The following TOMM20L variants were observed in gnomAD, a reference collection of about 807,000 sequenced individuals.
TOMM20L encodes TOMM20-like protein 1.
TOMM20L carries 19 observed loss-of-function variants against 20.4 expected under a neutral mutation model. The observed-to-expected ratio is 0.93, with a 90% CI of 0.65 to 1.36. The LOEUF (loss-of-function observed/expected upper bound fraction) is 1.36, where lower values mean the gene tolerates loss of function less well. Ranked by LOEUF, TOMM20L falls within the 40% of genes most tolerant of loss-of-function variation. TOMM20L has a pLI of 0.00. For missense variants in TOMM20L, 218 were observed against 203.7 expected, an observed-to-expected ratio of 1.07 and a Z score of -0.43; for synonymous variants, 75 against 79.6, an observed-to-expected ratio of 0.94 and a Z score of 0.30.
downstream of TOMM20L, among the ~76,000 whole-genome samples, chr14:58,411,140 C>G (rs935329477): frequency 3.3e-5 from 5 of 152,028 alleles, no homozygotes; most frequent in Non-Finnish European, 5.9e-5. Context: ...CCTTGATTAT[C>G]AGTCAGATTA....
At chr14:58,400,359 T>C (rs1394771418) in intron 2 of TOMM20L, among the ~76,000 whole-genome samples, 1 of 150,672 alleles carries the variant, frequency 6.6e-6, no homozygotes, top group Non-Finnish European at 1.5e-5. Flanking sequence ...GAGCTGAAAG[T>C]TGCAGTGAGC....
chr14:58,415,257 A>C, the TOMM20L span, among the ~76,000 whole-genome samples: 1 of 152,238 alleles, frequency 6.6e-6, no homozygotes, highest in Non-Finnish European at 1.5e-5. Context: ...AGATAAAATG[A>C]TTAAATAACA....
intron 4 of TOMM20L, 43 bp from the exon 5 acceptor site, chr14:58,408,486 G>A (rs2036102914): frequency 6.4e-7 from 1 of 1,565,816 alleles, no homozygotes; most frequent in Admixed American, 1.7e-5. Context: ...AAAGGATCAT[G>A]CATTGAAATG....
downstream of TOMM20L, chr14:58,410,820 T>G (rs779422717): frequency 1.3e-6 from 2 of 1,542,284 alleles, no homozygotes; most frequent in South Asian, 2.3e-5. Flanking sequence ...TTGTAGAATT[T>G]TAGTGAGTAA....
At chr14:58,404,957 G>GC (rs1200034755) in intron 3 of TOMM20L, among the ~76,000 whole-genome samples, 2 of 151,730 alleles carry the variant, frequency 1.3e-5, no homozygotes, top group Admixed American at 1.3e-4. Flanking sequence ...GGCCTCTAAG[G>GC]CCCCCTAGCA....
rs1360148720 is a variant in TOMM20L at position 58,395,981 on chromosome 14, C to T, written c.24C>T (p.Leu8=). 1 of 1,453,616 alleles carries T rather than the reference C, an allele frequency of 6.9e-7. No individual in the cohort carries two copies. The highest frequency in any genetic ancestry group is 1.5e-5 in the African/African-American group (1 of 68,380). 90.0% of individuals were successfully genotyped at this position (1,453,616 alleles called of 1,614,324 possible). A position where few individuals can be genotyped will look rare whatever the true frequency, so the allele number is the denominator to read the frequency against. Residue 8 remains leucine, a synonymous_variant, in exon 1 of 5, where the codon CTC becomes CTT. Coordinates refer to ENST00000360945, the MANE Select transcript of TOMM20L (RefSeq NM_207377.3). MPSVRSL[L]RLLAAAAACG... Reference sequence around the variant, plus strand: ...GGATGCCCTCCGTCCGCTCCCTCCTCCGCCTCTTGGCCGCCGCGGCGGCCT... The same window carrying T: ...GGATGCCCTCCGTCCGCTCCCTCCTTCGCCTCTTGGCCGCCGCGGCGGCCT...
the TOMM20L span, among the ~76,000 whole-genome samples, chr14:58,415,586 A>T: frequency 6.6e-6 from 1 of 152,214 alleles, no homozygotes; most frequent in Non-Finnish European, 1.5e-5. Flanking sequence ...CAATGAATAA[A>T]ATCAATAGGA....
the TOMM20L span, among the ~76,000 whole-genome samples, chr14:58,415,656 G>C: frequency 3.3e-5 from 5 of 152,076 alleles, no homozygotes; most frequent in East Asian, 9.6e-4. Context: ...TCTTCAACCT[G>C]AATTACAGAG....
rs374327991 is a variant in TOMM20L, at chr14:58,405,161, T to C, written c.263-2165T>C. Among the ~76,000 whole-genome samples, 116 of 152,216 alleles carry C rather than the reference T, an allele frequency of 7.6e-4. 2 individuals carry two copies. Among genetic ancestry groups the C allele is most frequent in the African/African-American group, 2.7e-3 (113 of 41,540 alleles). ...TTTTGTATTCTTAGTAGACACAGGG[T>C]TTCACCATGTTGGTCAGGCTGGTCT... On this transcript the variant is annotated intron_variant, in intron 3 of 4. Transcript: ENST00000360945.
chr14:58,407,503 C>G, intron 4 of TOMM20L, 35 bp downstream of exon 4: 2 of 1,591,602 alleles, frequency 1.3e-6, no homozygotes, highest in Non-Finnish European at 1.7e-6. Flanking sequence ...GTGAAATGTA[C>G]ACAGTAAATA....
intron 3 of TOMM20L, among the ~76,000 whole-genome samples, chr14:58,404,705 T>C (rs1017954966): frequency 1.3e-5 from 2 of 152,168 alleles, no homozygotes; most frequent in African/African-American, 4.8e-5. Flanking sequence ...GTAATTTGTA[T>C]TTTAATTTTT....
intron 4 of TOMM20L, 40 bp from the exon 5 acceptor site, chr14:58,408,489 T>C (rs777179120): frequency 7.6e-6 from 12 of 1,583,210 alleles, no homozygotes; most frequent in African/African-American, 4.0e-5. Flanking sequence ...GGATCATGCA[T>C]TGAAATGATT....
intron 3 of TOMM20L, among the ~76,000 whole-genome samples, chr14:58,403,411 C>A (rs1264607294): frequency 6.6e-6 from 1 of 152,148 alleles, no homozygotes; most frequent in Non-Finnish European, 1.5e-5. Flanking sequence ...TTCCTGCTTT[C>A]TTAGAATATT....
Position 58,404,090 on chromosome 14 carries a change from C to CATATATGTGTGTGTATATATATAT in TOMM20L, c.262+1335_262+1336insGTGTGTGTATATATATATATATAT, listed in dbSNP as rs1470382627. Among the ~76,000 whole-genome samples the CATATATGTGTGTGTATATATATAT allele has an allele frequency of 1.4e-3, 23 of 16,828 alleles. 1 individual carries two copies. The highest frequency in any genetic ancestry group is 2.8e-3 in the Non-Finnish European group (19 of 6,738). 11.0% of individuals were successfully genotyped at this position (16,828 alleles called of 152,430 possible). ...CACCCATCAGTACAATGTATATATACATATATATGTATATATATATATATA... is the reference window on the plus strand; with the variant it reads ...CACCCATCAGTACAATGTATATATACATATATGTGTGTGTATATATATATATATATATGTATATATATATATATA... On this transcript the variant is annotated intron_variant, in intron 3 of 4. Coordinates refer to ENST00000360945, the MANE Select transcript of TOMM20L (RefSeq NM_207377.3).
chr14:58,404,940 T>C (rs1198944657), intron 3 of TOMM20L, among the ~76,000 whole-genome samples: 1 of 152,208 alleles, frequency 6.6e-6, no homozygotes, highest in Non-Finnish European at 1.5e-5. Context: ...AGACTTTTAT[T>C]TGCATAGGCC....
the TOMM20L span, among the ~76,000 whole-genome samples, chr14:58,414,179 A>G: frequency 1.3e-5 from 2 of 152,144 alleles, no homozygotes; most frequent in African/African-American, 2.4e-5. Context: ...CAAAAATGAT[A>G]AACTGGATGT....
At chr14:58,396,264 C>T (rs150594472) in intron 1 of TOMM20L, 34 bp from the exon 2 acceptor site, 2 of 1,611,984 alleles carry the variant, frequency 1.2e-6, no homozygotes, top group African/African-American at 2.7e-5. Context: ...CTGGACGGGC[C>T]TCCCAGCCAG....
downstream of TOMM20L, chr14:58,409,243 A>G: frequency 6.5e-7 from 1 of 1,538,410 alleles, no homozygotes; most frequent in Non-Finnish European, 8.8e-7. Context: ...TTCTAAAAGA[A>G]TCAGTGGGGT....
At chr14:58,411,071 A>G, downstream of TOMM20L, 1 of 646,232 alleles carries the variant, frequency 1.5e-6, no homozygotes. Context: ...ATGCTAACTT[A>G]AATGGGTACA....
Sources: gnomAD v4.1 joint callset for allele counts (sites outside exome capture counted in the v4.1 genomes callset) on GRCh38, gnomAD v4.1.1 for gene constraint, MANE v1.5 for transcripts, NCBI Gene and HGNC (gene_info 2026-07-23, HGNC 2026-07-21) for gene names.